Variants in KDELR3 observed in about 807,000 individuals in gnomAD.
KDELR3 encodes ER lumen protein-retaining receptor 3.
Under a neutral mutation model 22.7 loss-of-function variants are expected in KDELR3, and 26 were observed. The observed-to-expected ratio is 1.15, with a 90% CI of 0.84 to 1.59. The LOEUF is 1.59. KDELR3 is among the 40% of genes most tolerant of loss of function. KDELR3 has a pLI of 0.00. For synonymous variants in KDELR3, 120 were observed against 98.2 expected, an observed-to-expected ratio of 1.22 and a Z score of -1.31; for missense variants, 289 against 251.1, an observed-to-expected ratio of 1.15 and a Z score of -1.02.
At chr22:38,468,737 C>T (rs1220785104) in intron 1 of KDELR3, among the ~76,000 whole-genome samples, 3 of 152,188 alleles carry the variant, frequency 2.0e-5, no homozygotes, top group African/African-American at 7.2e-5. Flanking sequence ...TTCCCAGACC[C>T]CACCCCGCCC....
chr22:38,479,575 GTC>G lies in KDELR3; in HGVS notation c.193-11_193-10del. The stretch of plus-strand genomic sequence containing the variant: ...ATGACTTCATAGATTCGATTCCCAT[GTC>G]TCTCTCCCCTTTTAGGTGGTTTTTC... On this transcript the variant is annotated splice_polypyrimidine_tract_variant and intron_variant, in intron 2 of 4. Transcript: ENST00000216014. 3.7e-6 allele frequency: 6 copies of G among 1,607,046 alleles called. No individual in the cohort carries two copies. Among genetic ancestry groups the G allele is most frequent in the Non-Finnish European group, 5.1e-6 (6 of 1,173,796 alleles).
At chr22:38,476,429 A>G (rs770697095) in intron 2 of KDELR3, among the ~76,000 whole-genome samples, 16 of 152,082 alleles carry the variant, frequency 1.1e-4, no homozygotes, top group South Asian at 4.1e-4. Flanking sequence ...CTTATTAGCC[A>G]GGATGGTCTC....
Position 38,482,861 on chromosome 22 carries a change from T to A in KDELR3, c.*325T>A, listed in dbSNP as rs1244599311. The A allele has an allele frequency of 9.6e-6, 3 of 312,352 alleles. No individual in the cohort carries two copies. Among genetic ancestry groups the A allele is most frequent in the Non-Finnish European group, 1.8e-5 (3 of 169,958 alleles). 19.3% of individuals were successfully genotyped at this position (312,352 alleles called of 1,614,324 possible). A position where few individuals can be genotyped will look rare whatever the true frequency, so the allele number is the denominator to read the frequency against. ...CAAGGCCTGAGGGCAAGACTCATGA[T>A]GAGCAAGTCAACCCCAATCTGGAAC... On this transcript the variant is annotated 3_prime_UTR_variant, in exon 5 of 5. Transcript: ENST00000216014.
At chr22:38,472,313 C>A (rs1358096185) in intron 1 of KDELR3, among the ~76,000 whole-genome samples, 1 of 151,944 alleles carries the variant, frequency 6.6e-6, no homozygotes, top group Non-Finnish European at 1.5e-5. Context: ...CCCATCTCTA[C>A]TAAAAACACA....
rs950189055 is a variant in KDELR3 at position 38,483,416 on chromosome 22, T to C, written c.*880T>C. The C allele has an allele frequency of 1.3e-5, 2 of 152,320 alleles. No homozygotes were observed. The highest frequency in any genetic ancestry group is 2.9e-5 in the Non-Finnish European group (2 of 68,048). The allele number at this position is 152,320 out of a possible 1,614,324, so 9.4% of individuals were successfully genotyped here. On this transcript the variant is annotated 3_prime_UTR_variant, in exon 5 of 5. Coordinates refer to ENST00000216014, the MANE Select transcript of KDELR3 (RefSeq NM_006855.4). ...CGTCTACGTTGAATTATTCAGAGAA[T>C]TAAGCAATAAAAGCTCACACCTTAT...
At chr22:38,470,122 A>G (rs913373710) in intron 1 of KDELR3, among the ~76,000 whole-genome samples, 4 of 139,260 alleles carry the variant, frequency 2.9e-5, no homozygotes, top group African/African-American at 2.7e-5. Flanking sequence ...CACTGCGCCC[A>G]CTTCTTTTTT....
At chr22:38,473,181 G>A (rs2089535527) in intron 1 of KDELR3, among the ~76,000 whole-genome samples, 2 of 152,270 alleles carry the variant, frequency 1.3e-5, no homozygotes, top group South Asian at 2.1e-4. Context: ...TCCCAACACT[G>A]AGAGAATGAG....
intron 3 of KDELR3, among the ~76,000 whole-genome samples, chr22:38,480,668 G>T (rs1010878490): frequency 5.9e-5 from 9 of 152,010 alleles, no homozygotes; most frequent in Non-Finnish European, 1.0e-4. Context: ...CAGGAGAATG[G>T]AGTGAACCCA....
At chr22:38,468,740 C>G (rs1425551023) in intron 1 of KDELR3, among the ~76,000 whole-genome samples, 2 of 152,166 alleles carry the variant, frequency 1.3e-5, no homozygotes, top group African/African-American at 4.8e-5. Flanking sequence ...CCAGACCCCA[C>G]CCCGCCCCCC....
chr22:38,475,692 T>A (rs2089553114), intron 2 of KDELR3, among the ~76,000 whole-genome samples: 1 of 151,974 alleles, frequency 6.6e-6, no homozygotes, highest in African/African-American at 2.4e-5. Flanking sequence ...AGCAGCGCAA[T>A]CTCAGCTCAC....
At position 38,483,279 on chromosome 22, in the gene KDELR3, GT is replaced by G. The variant is rs2089619155; in HGVS notation, c.*747del. The G allele has an allele frequency of 6.6e-6, 1 of 152,176 alleles. No individual in the cohort carries two copies. Among genetic ancestry groups the G allele is most frequent in the Non-Finnish European group, 1.5e-5 (1 of 68,040 alleles). The allele number at this position is 152,176 out of a possible 1,614,324, so 9.4% of individuals were successfully genotyped here. ...CTTACCTACTAGGTATCCTGCTAGG[GT>G]TTTCAATTCCAATTCTTGTATTAAG... On this transcript the variant is annotated 3_prime_UTR_variant, in exon 5 of 5. Coordinates refer to ENST00000216014, the MANE Select transcript of KDELR3 (RefSeq NM_006855.4).
At chr22:38,468,656 C>G (rs1311366434) in intron 1 of KDELR3, among the ~76,000 whole-genome samples, 1 of 152,114 alleles carries the variant, frequency 6.6e-6, no homozygotes, top group African/African-American at 2.4e-5. Flanking sequence ...CTTCCACCAT[C>G]GACTGTGGGG....
chr22:38,468,163 C>A lies in KDELR3; in HGVS notation c.-71C>A. On this transcript the variant is annotated 5_prime_UTR_variant, in exon 1 of 5. Transcript: ENST00000216014. ...CTAGAGACCGGGGCCGGAGACGTGG[C>A]AGCCGCCCTGCCCGCCAGAAAGTTT... The A allele has an allele frequency of 1.4e-6, 2 of 1,409,872 alleles. No homozygotes were observed. The highest frequency in any genetic ancestry group is 2.0e-6 in the Non-Finnish European group (2 of 1,005,118). 87.3% of individuals were successfully genotyped at this position (1,409,872 alleles called of 1,614,324 possible). A position where few individuals can be genotyped will look rare whatever the true frequency, so the allele number is the denominator to read the frequency against.
At chr22:38,481,998 G>C (rs2089606482) in intron 4 of KDELR3, among the ~76,000 whole-genome samples, 1 of 152,220 alleles carries the variant, frequency 6.6e-6, no homozygotes, top group Non-Finnish European at 1.5e-5. Context: ...AAGCCATCCT[G>C]AGCCGCGGGT....
chr22:38,480,716 G>A (rs1388716681), intron 3 of KDELR3, among the ~76,000 whole-genome samples: 1 of 151,974 alleles, frequency 6.6e-6, no homozygotes, highest in African/African-American at 2.4e-5. Flanking sequence ...TCGCACCACT[G>A]CACTCCAGCC....
intron 3 of KDELR3, among the ~76,000 whole-genome samples, chr22:38,480,005 C>T (rs1418196435): frequency 2.6e-5 from 4 of 152,148 alleles, no homozygotes; most frequent in Admixed American, 6.5e-5. Context: ...TCTGTTCAAC[C>T]GATTAGCAGA....
At chr22:38,482,203 A>G (rs2089608389) in intron 4 of KDELR3, among the ~76,000 whole-genome samples, 2 of 152,220 alleles carry the variant, frequency 1.3e-5, no homozygotes, top group Non-Finnish European at 2.9e-5. Context: ...GTAGAAAGAC[A>G]TGTGGACACA....
At position 38,472,092 on chromosome 22, in the gene KDELR3, TC is replaced by T. The variant is rs1457812144; in HGVS notation, c.92-2429del. Reference sequence around the variant, plus strand: ...TAGACAGCACAGTAGTTCCCCCTTATCCACGGAGGATATGTTCCAAGACTGC... The same window carrying T: ...TAGACAGCACAGTAGTTCCCCCTTATCACGGAGGATATGTTCCAAGACTGC... On this transcript the variant is annotated intron_variant, in intron 1 of 4. Coordinates refer to ENST00000216014, the MANE Select transcript of KDELR3 (RefSeq NM_006855.4). Among the ~76,000 whole-genome samples, 5 of 152,290 alleles carry T rather than the reference TC, an allele frequency of 3.3e-5. No individual in the cohort carries two copies. In the East Asian group the frequency reaches 9.6e-4, roughly 29 times the overall value.
intron 1 of KDELR3, among the ~76,000 whole-genome samples, chr22:38,468,909 T>C (rs2089505971): frequency 1.3e-5 from 2 of 152,154 alleles, no homozygotes; most frequent in African/African-American, 4.8e-5. Context: ...GCTGCCCTGC[T>C]GGGGGTTTGG....
Sources: gnomAD v4.1 joint callset for allele counts (sites outside exome capture counted in the v4.1 genomes callset) on GRCh38, gnomAD v4.1.1 for gene constraint, MANE v1.5 for transcripts, NCBI Gene and HGNC (gene_info 2026-07-23, HGNC 2026-07-21) for gene names.